DTNA: variants seen among roughly 807,000 people sequenced by gnomAD.
The protein encoded by DTNA is dystrophin-related protein 3.
In DTNA, 43 loss-of-function variants were observed where a neutral mutation model predicts 100.7. That is an observed-to-expected ratio of 0.43 (90% CI 0.33 to 0.55). The LOEUF is 0.55. Ranked by LOEUF, DTNA falls within the 20% of genes least tolerant of loss-of-function variation. The probability of loss-of-function intolerance (pLI) is 0.04; values close to 1 mark genes in which losing one functional copy is unlikely to be tolerated. For synonymous variants in DTNA, 349 were observed against 347.9 expected, an observed-to-expected ratio of 1.00 and a Z score of -0.04; for missense variants, 798 against 953.9, an observed-to-expected ratio of 0.84 and a Z score of 2.15.
intron 17 of DTNA, 58 bp from the exon 18 acceptor site, chr18:34,875,181 G>A: frequency 1.3e-6 from 2 of 1,598,434 alleles, no homozygotes; most frequent in Non-Finnish European, 1.7e-6. Flanking sequence ...GAGGCATTGG[G>A]GATGACATAT....
chr18:34,858,935 A>G (rs1012948811), intron 16 of DTNA, among the ~76,000 whole-genome samples: 4 of 152,236 alleles, frequency 2.6e-5, no homozygotes, highest in African/African-American at 9.6e-5. Flanking sequence ...CATCAAAAAC[A>G]ACATATCTCA....
intron 1 of DTNA, among the ~76,000 whole-genome samples, chr18:34,525,073 G>T (rs2042485482): frequency 6.6e-6 from 1 of 152,078 alleles, no homozygotes; most frequent in South Asian, 2.1e-4. Context: ...AAAGAAATCA[G>T]AACTATGTAT....
chr18:34,830,967 G>A (rs887307936), intron 11 of DTNA, among the ~76,000 whole-genome samples: 3 of 152,116 alleles, frequency 2.0e-5, no homozygotes, highest in Non-Finnish European at 4.4e-5. Flanking sequence ...TATTATTATT[G>A]CAGATATTAT....
intron 2 of DTNA, among the ~76,000 whole-genome samples, chr18:34,757,759 G>A (rs890900686): frequency 2.0e-5 from 3 of 152,100 alleles, no homozygotes; most frequent in South Asian, 2.1e-4. Flanking sequence ...TTGTGCATTC[G>A]GTTCCCAAAT....
In DTNA at chr18:34,657,419, G is replaced by C. The variant is rs535861189; in HGVS notation, c.-1-98557G>C. Reference sequence around the variant, plus strand: ...AACAAAATGTGTTATAAATCAGTCAGTTTGCTTTCATTGTCCAAACTGAAA... The same window carrying C: ...AACAAAATGTGTTATAAATCAGTCACTTTGCTTTCATTGTCCAAACTGAAA... On this transcript the variant is annotated intron_variant, in intron 1 of 19. Coordinates refer to the DTNA transcript ENST00000283365. 5.9e-5 allele frequency among the ~76,000 whole-genome samples: 9 copies of C among 152,218 alleles called. No homozygotes were observed. In the East Asian group the frequency reaches 1.7e-3, roughly 29 times the overall value.
chr18:34,595,014 A>T (rs757751183), intron 1 of DTNA, among the ~76,000 whole-genome samples: 3 of 152,284 alleles, frequency 2.0e-5, no homozygotes, highest in Non-Finnish European at 4.4e-5. Context: ...TTGTTAAATG[A>T]TAGTTAACCT....
intron 1 of DTNA, among the ~76,000 whole-genome samples, chr18:34,631,827 C>G (rs1222867127): frequency 6.6e-6 from 1 of 152,160 alleles, no homozygotes; most frequent in African/African-American, 2.4e-5. Flanking sequence ...ACCCAAGAGT[C>G]ACTGTGCACA....
At position 34,587,013 on chromosome 18, in the gene DTNA, A is replaced by G. The variant is rs908489988; in HGVS notation, c.-2+93499A>G. On this transcript the variant is annotated intron_variant, in intron 1 of 19. Transcript: ENST00000283365. ...GTCTTTCTCTGTCACCCAGGCCTGG[A>G]GTGCAGTGGTGTGATCACAGCTCAC... Among the ~76,000 whole-genome samples the G allele has an allele frequency of 4.0e-5, 6 of 151,456 alleles. No individual in the cohort carries two copies. In the East Asian group the frequency reaches 7.8e-4, roughly 20 times the overall value.
At chr18:34,859,059 A>T (rs1001518608) in intron 16 of DTNA, among the ~76,000 whole-genome samples, 1 of 152,222 alleles carries the variant, frequency 6.6e-6, no homozygotes, top group Non-Finnish European at 1.5e-5. Flanking sequence ...ATTTTCTCTA[A>T]GTCTTGGTCT....
chr18:34,556,908 A>T (rs1267412823), intron 1 of DTNA, among the ~76,000 whole-genome samples: 2 of 148,186 alleles, frequency 1.3e-5, no homozygotes, highest in African/African-American at 5.1e-5. Flanking sequence ...CTGAATCTGA[A>T]CATTGGCCTG....
intron 1 of DTNA, among the ~76,000 whole-genome samples, chr18:34,587,417 A>G (rs1305575932): frequency 6.6e-6 from 1 of 152,146 alleles, no homozygotes; most frequent in Non-Finnish European, 1.5e-5. Context: ...CACTCCACAT[A>G]GTGTGAAATG....
chr18:34,841,777 A>G (rs1313069354), intron 13 of DTNA, among the ~76,000 whole-genome samples: 1 of 152,092 alleles, frequency 6.6e-6, no homozygotes, highest in Non-Finnish European at 1.5e-5. Flanking sequence ...CTTGGCCTCT[A>G]GCTGTTCTCC....
In DTNA at chr18:34,611,342, C is replaced by T. The variant is rs925967085; in HGVS notation, c.-2+117828C>T. 2.5e-4 allele frequency among the ~76,000 whole-genome samples: 38 copies of T among 152,128 alleles called. 1 individual carries two copies. The highest frequency in any genetic ancestry group is 2.4e-3 in the Admixed American group (37 of 15,272). On this transcript the variant is annotated intron_variant, in intron 1 of 19. Transcript: ENST00000283365. ...TTTTAGCTTTTTAGACAGGTTCATTCACCTGTAATGAAAATTTAACAGGTA... is the reference window on the plus strand; with the variant it reads ...TTTTAGCTTTTTAGACAGGTTCATTTACCTGTAATGAAAATTTAACAGGTA...
chr18:34,827,697 A>G, intron 10 of DTNA, 21 bp downstream of exon 10: 3 of 1,607,992 alleles, frequency 1.9e-6, no homozygotes, highest in Non-Finnish European at 2.6e-6. Flanking sequence ...ACCCTATTAT[A>G]AAATAAGCCC....
chr18:34,598,842 G>A (rs1002079379), intron 1 of DTNA, among the ~76,000 whole-genome samples: 1 of 152,082 alleles, frequency 6.6e-6, no homozygotes, highest in African/African-American at 2.4e-5. Flanking sequence ...CTCCAGTCTG[G>A]GTGACAGAGC....
intron 3 of DTNA, among the ~76,000 whole-genome samples, chr18:34,768,202 ACT>A (rs1166470739): frequency 2.0e-5 from 3 of 152,058 alleles, no homozygotes; most frequent in African/African-American, 7.2e-5. Context: ...AGTGGTAGAC[ACT>A]CTGTCCTCCT....
At chr18:34,821,191 G>T in intron 9 of DTNA, 2 of 569,476 alleles carry the variant, frequency 3.5e-6, no homozygotes, top group South Asian at 3.1e-5. Context: ...GATGTTAGTG[G>T]TGTCTGCACA....
At chr18:34,768,005 GA>G (rs1260055658) in intron 3 of DTNA, among the ~76,000 whole-genome samples, 1 of 152,120 alleles carries the variant, frequency 6.6e-6, no homozygotes, top group African/African-American at 2.4e-5. Flanking sequence ...CACTGCTTGC[GA>G]TAGGGGCCAA....
chr18:34,865,969 G>A, intron 17 of DTNA: 1 of 877,164 alleles, frequency 1.1e-6, no homozygotes, highest in South Asian at 1.4e-5. Flanking sequence ...GACTTGGAGT[G>A]ATAGTCACTG....
Sources: gnomAD v4.1 joint callset for allele counts (sites outside exome capture counted in the v4.1 genomes callset) on GRCh38, gnomAD v4.1.1 for gene constraint, MANE v1.5 for transcripts, NCBI Gene and HGNC (gene_info 2026-07-23, HGNC 2026-07-21) for gene names.